The following PCYOX1 variants were observed in gnomAD, a reference collection of about 807,000 sequenced individuals.
PCYOX1 encodes the protein prenylcysteine oxidase 1.
Under a neutral mutation model 46.4 loss-of-function variants are expected in PCYOX1, and 46 were observed. That is an observed-to-expected ratio of 0.99 (90% CI 0.78 to 1.27). The LOEUF (loss-of-function observed/expected upper bound fraction) is 1.27, where lower values mean the gene tolerates loss of function less well. Among genes scored for constraint, PCYOX1 ranks in the 50% most tolerant of loss-of-function variants. The probability of loss-of-function intolerance (pLI) is 0.00; values close to 1 mark genes in which losing one functional copy is unlikely to be tolerated. For synonymous variants in PCYOX1, 220 were observed against 231.8 expected, an observed-to-expected ratio of 0.95 and a Z score of 0.46; for missense variants, 658 against 628.3, an observed-to-expected ratio of 1.05 and a Z score of -0.51.
Position 70,278,193 on chromosome 2 carries a change from G to T in PCYOX1, c.*801G>T, listed in dbSNP as rs529454744. On this transcript the variant is annotated 3_prime_UTR_variant, in exon 6 of 6. Transcript: ENST00000433351. Reference sequence around the variant, plus strand: ...TATGGGCTACTGAATTAAGAAACTGGCATTCTAGTATTAAATCCTCACTTC... The same window carrying T: ...TATGGGCTACTGAATTAAGAAACTGTCATTCTAGTATTAAATCCTCACTTC... 2.0e-5 allele frequency: 3 copies of T among 152,660 alleles called. No homozygotes were observed. The East Asian group carries it at 5.8e-4, about 29-fold the overall frequency. 9.5% of individuals were successfully genotyped at this position (152,660 alleles called of 1,614,324 possible).
chr2:70,276,605 A>T (rs952254409), intron 5 of PCYOX1, 129 bp from the exon 6 acceptor site: 1 of 591,626 alleles, frequency 1.7e-6, no homozygotes, highest in African/African-American at 1.9e-5. Flanking sequence ...TGCAAGGGAC[A>T]ACTATCTTAA....
At chr2:70,269,334 A>ATTTTTTTTTTTTTT (rs745493965) in intron 3 of PCYOX1, among the ~76,000 whole-genome samples, 1 of 131,708 alleles carries the variant, frequency 7.6e-6, no homozygotes, top group Admixed American at 7.7e-5. Context: ...TGCCCAGCTA[A>ATTTTTTTTTTTTTT]TTTTTTTTTT....
chr2:70,274,229 G>A (rs984269027), intron 3 of PCYOX1, among the ~76,000 whole-genome samples: 6 of 136,634 alleles, frequency 4.4e-5, no homozygotes, highest in Non-Finnish European at 7.6e-5. Flanking sequence ...ATGGAGTCTC[G>A]CTCTGTTGCC....
chr2:70,265,644 C>G (rs1696512790), intron 3 of PCYOX1, among the ~76,000 whole-genome samples: 1 of 152,188 alleles, frequency 6.6e-6, no homozygotes, highest in Non-Finnish European at 1.5e-5. Context: ...CGCACAGTAA[C>G]TAGAATGTAG....
At chr2:70,266,287 T>C (rs1451829943) in intron 3 of PCYOX1, among the ~76,000 whole-genome samples, 1 of 151,492 alleles carries the variant, frequency 6.6e-6, no homozygotes, top group Non-Finnish European at 1.5e-5. Flanking sequence ...GAGATTGGAG[T>C]GATGCTAGGA....
At chr2:70,259,878 C>T (rs1003156462) in intron 2 of PCYOX1, among the ~76,000 whole-genome samples, 1 of 151,990 alleles carries the variant, frequency 6.6e-6, no homozygotes, top group Non-Finnish European at 1.5e-5. Context: ...TGCAATGGTG[C>T]GATCTTGGCT....
At chr2:70,267,304 A>G (rs1696540535) in intron 3 of PCYOX1, among the ~76,000 whole-genome samples, 1 of 149,986 alleles carries the variant, frequency 6.7e-6, no homozygotes, top group Non-Finnish European at 1.5e-5. Flanking sequence ...CACTTCCCAG[A>G]CTGGGCGGCC....
chr2:70,259,341 C>G lies in PCYOX1; in HGVS notation c.113-19C>G. ...TGGTAAAAGGGGAAAATATAATCTT[C>G]TGTTTTTTTCCCTCATAGCGATTAT... On this transcript the variant is annotated intron_variant, in intron 1 of 5. Coordinates refer to ENST00000433351, the MANE Select transcript of PCYOX1 (RefSeq NM_016297.4). 2 of 1,600,022 alleles carry G rather than the reference C, an allele frequency of 1.2e-6. No homozygotes were observed. Among genetic ancestry groups the G allele is most frequent in the South Asian group, 1.1e-5 (1 of 90,738 alleles).
At chr2:70,275,436 G>C (rs1264160787) in intron 4 of PCYOX1, 78 bp from the exon 5 acceptor site, 3 of 1,423,914 alleles carry the variant, frequency 2.1e-6, no homozygotes, top group Non-Finnish European at 2.9e-6. Flanking sequence ...AGTAGAACAT[G>C]TAATTGGGAA....
At chr2:70,260,738 T>C (rs1383571232) in intron 2 of PCYOX1, among the ~76,000 whole-genome samples, 1 of 152,148 alleles carries the variant, frequency 6.6e-6, no homozygotes, top group Non-Finnish European at 1.5e-5. Flanking sequence ...ATCTGAAATA[T>C]CCAGTTTTGC....
At chr2:70,262,514 C>A (rs999762953) in intron 3 of PCYOX1, among the ~76,000 whole-genome samples, 1 of 129,598 alleles carries the variant, frequency 7.7e-6, no homozygotes, top group African/African-American at 3.0e-5. Context: ...GAGTTTTGCT[C>A]TGTCGCCCGG....
chr2:70,258,107 G>T, upstream of PCYOX1: 1 of 1,376,678 alleles, frequency 7.3e-7, no homozygotes, highest in Non-Finnish European at 9.9e-7. Flanking sequence ...GCGCGCAGCC[G>T]CGCAGCGGTG....
At chr2:70,258,021 C>T, upstream of PCYOX1, 1 of 548,128 alleles carries the variant, frequency 1.8e-6, no homozygotes, top group Non-Finnish European at 3.0e-6. Flanking sequence ...ACCGGCGGGG[C>T]GAGGTCGGGG....
At chr2:70,265,507 TC>T (rs1696510587) in intron 3 of PCYOX1, among the ~76,000 whole-genome samples, 1 of 152,186 alleles carries the variant, frequency 6.6e-6, no homozygotes, top group Non-Finnish European at 1.5e-5. Context: ...CATTCTTTAC[TC>T]CCAAGTCCAA....
Position 70,271,993 on chromosome 2 carries a change from T to G in PCYOX1, c.495-2966T>G, listed in dbSNP as rs958955621. ...ACATTTTAAATTTATTTTTTAGTTT[T>G]TCTTTTTTGTCAACAAATGATTGAT... is the stretch of plus-strand genomic sequence containing the variant. On this transcript the variant is annotated intron_variant, in intron 3 of 5. Transcript: ENST00000433351. Among the ~76,000 whole-genome samples, 8 of 152,358 alleles carry G rather than the reference T, an allele frequency of 5.3e-5. No homozygotes were observed. In the East Asian group the frequency reaches 1.3e-3, roughly 26 times the overall value.
chr2:70,260,037 ACTC>A (rs1696414661), intron 2 of PCYOX1, among the ~76,000 whole-genome samples: 1 of 150,896 alleles, frequency 6.6e-6, no homozygotes, highest in South Asian at 2.1e-4. Flanking sequence ...CTGGTCTTGA[ACTC>A]CTGACCTCAG....
intron 3 of PCYOX1, among the ~76,000 whole-genome samples, chr2:70,264,732 C>T (rs1054558103): frequency 2.4e-4 from 36 of 151,722 alleles, no homozygotes; most frequent in Middle Eastern, 3.4e-3. Flanking sequence ...AAATAATTTA[C>T]GGGCCGGGCG....
At chr2:70,270,687 C>T (rs1178554687) in intron 3 of PCYOX1, among the ~76,000 whole-genome samples, 2 of 152,208 alleles carry the variant, frequency 1.3e-5, no homozygotes, top group African/African-American at 4.8e-5. Context: ...CTTTTCCTGA[C>T]CACTCTTGTT....
In PCYOX1 at chr2:70,259,439, C is replaced by A. The variant is rs752334371; in HGVS notation, c.192C>A (p.Asp64Glu). ...AATTTGGGAAAGATGTGAAGATAGA[C>A]CTGTTTGAAAGAGAAGAGGTCGGGG... ...RQKFGKDVKIDLFEREEVGGR... is the reference protein window; with the variant it reads ...RQKFGKDVKIELFEREEVGGR... The change falls in exon 2 of 6, where the codon GAC becomes GAA. Residue 64 changes from aspartate (D) to glutamate (E), a missense_variant. Transcript: ENST00000433351. The A allele has an allele frequency of 6.2e-7, 1 of 1,614,074 alleles. No individual in the cohort carries two copies. The highest frequency in any genetic ancestry group is 8.5e-7 in the Non-Finnish European group (1 of 1,179,966).
Sources: allele counts gnomAD v4.1 joint callset (sites outside exome capture counted in the v4.1 genomes callset), GRCh38; gene constraint gnomAD v4.1.1; transcripts MANE v1.5; gene names NCBI Gene and HGNC (gene_info 2026-07-23, HGNC 2026-07-21).